The following CD164 variants were observed in gnomAD, a reference collection of about 807,000 sequenced individuals.
The protein encoded by CD164 is sialomucin core protein 24.
Under a neutral mutation model 24.6 loss-of-function variants are expected in CD164, and 11 were observed. That is an observed-to-expected ratio of 0.45 (90% CI 0.28 to 0.74). CD164 has a LOEUF of 0.74. Ranked by LOEUF, CD164 falls within the 30% of genes least tolerant of loss-of-function variation. The pLI, the probability that CD164 is intolerant of heterozygous loss-of-function variation, is 0.13. For synonymous variants in CD164, 126 were observed against 100.3 expected, an observed-to-expected ratio of 1.26 and a Z score of -1.53; for missense variants, 295 against 243.7, an observed-to-expected ratio of 1.21 and a Z score of -1.40.
chr6:109,381,877 A>C, intron 1 of CD164: 1 of 484,124 alleles, frequency 2.1e-6, no homozygotes, highest in Non-Finnish European at 3.7e-6. Context: ...CCGCGGAAGG[A>C]AGCCACGTCC....
intron 5 of CD164, among the ~76,000 whole-genome samples, chr6:109,369,549 A>G: frequency 1.4e-5 from 1 of 73,438 alleles, no homozygotes; most frequent in South Asian, 5.1e-4. Context: ...TTATCAAGTA[A>G]TAAGGAAAAA....
intron 1 of CD164, chr6:109,381,419 C>T: frequency 2.9e-6 from 2 of 682,148 alleles, no homozygotes; most frequent in Admixed American, 2.2e-5. Flanking sequence ...ATTTTAAAAA[C>T]AATTGAAAAA....
At chr6:109,381,910 C>T (rs1418679412) in intron 1 of CD164, 2 of 450,378 alleles carry the variant, frequency 4.4e-6, no homozygotes, top group East Asian at 7.7e-5. Flanking sequence ...CCAAGTGAGG[C>T]TAGGAATTAC....
rs1460264469 is a variant in CD164, at chr6:109,367,625, T to C, written c.*1226A>G. ...AGGGAGAGAAAAAGAAAAAGCACAG[T>C]CTATTCATCCAGGACAATCAGTAAA... On this transcript the variant is annotated 3_prime_UTR_variant, in exon 6 of 6. Transcript: ENST00000310786. The C allele has an allele frequency of 6.6e-6, 1 of 152,580 alleles. No homozygotes were observed. The highest frequency in any genetic ancestry group is 2.4e-5 in the African/African-American group (1 of 41,450). 9.5% of individuals were successfully genotyped at this position (152,580 alleles called of 1,614,324 possible).
In CD164 at chr6:109,368,965, G is replaced by C; in HGVS notation, c.480C>G (p.Thr160=). 2 of 1,613,902 alleles carry C rather than the reference G, an allele frequency of 1.2e-6. No individual in the cohort carries two copies. Among genetic ancestry groups the C allele is most frequent in the Non-Finnish European group, 1.7e-6 (2 of 1,179,876 alleles). Residue 160 remains threonine, a synonymous_variant, in exon 6 of 6, where the codon ACC becomes ACG. Transcript: ENST00000310786. ...CTCCAATGAAACTGGCTGCATCAAA[G>C]GTAGACTTTCGCACAGGTTGTGAGG... The part of the protein sequence containing the change: ...TPTSQPVRKS[T]FDAASFIGGI...
chr6:109,379,040 G>C (rs1771585506), intron 2 of CD164, among the ~76,000 whole-genome samples: 1 of 152,114 alleles, frequency 6.6e-6, no homozygotes, highest in Non-Finnish European at 1.5e-5. Context: ...TCTACCTCTT[G>C]TATTAACAAA....
At chr6:109,372,817 C>T (rs754890435) in intron 4 of CD164, 15 of 152,130 alleles carry the variant, frequency 9.9e-5, no homozygotes, top group Non-Finnish European at 1.9e-4. Flanking sequence ...AATTGTTTGA[C>T]AATGTTAGGA....
chr6:109,381,494 C>A, intron 1 of CD164: 2 of 702,436 alleles, frequency 2.8e-6, no homozygotes, highest in Non-Finnish European at 5.2e-6. Flanking sequence ...TCCTAGGTTT[C>A]ACTACCTACC....
chr6:109,381,096 T>G (rs575211168), intron 1 of CD164, among the ~76,000 whole-genome samples: 1 of 152,344 alleles, frequency 6.6e-6, no homozygotes, highest in East Asian at 1.9e-4. Context: ...GAAGCCAATG[T>G]TAACTACGTA....
chr6:109,377,984 AG>A lies in CD164; in HGVS notation c.260-14del. 3.7e-6 allele frequency: 6 copies of A among 1,606,434 alleles called. No individual in the cohort carries two copies. The highest frequency in any genetic ancestry group is 1.1e-5 in the South Asian group (1 of 90,912). The stretch of plus-strand genomic sequence containing the variant: ...CAATAGCTCTCATCTGTTGGGGGGC[AG>A]GGGAAAAGAGACAAACAGCATCAAC... On this transcript the variant is annotated splice_polypyrimidine_tract_variant and intron_variant, in intron 2 of 5. Transcript: ENST00000310786.
chr6:109,376,345 T>G (rs1771407667), intron 3 of CD164, among the ~76,000 whole-genome samples: 1 of 152,196 alleles, frequency 6.6e-6, no homozygotes, highest in Admixed American at 6.5e-5. Context: ...AGACATTTCC[T>G]AGTCTCCAGT....
At chr6:109,375,226 C>T (rs190101578) in intron 4 of CD164, among the ~76,000 whole-genome samples, 4 of 152,226 alleles carry the variant, frequency 2.6e-5, no homozygotes, top group African/African-American at 7.2e-5. Flanking sequence ...AAATGCAATT[C>T]CATGTAAGAT....
At chr6:109,377,613 G>A (rs544348242) in intron 3 of CD164, among the ~76,000 whole-genome samples, 3 of 150,306 alleles carry the variant, frequency 2.0e-5, no homozygotes, top group Non-Finnish European at 4.4e-5. Flanking sequence ...CAAACATAGC[G>A]GCTAAACTGT....
chr6:109,371,053 G>C (rs1301986956), intron 4 of CD164: 1 of 152,376 alleles, frequency 6.6e-6, no homozygotes, highest in Non-Finnish European at 1.5e-5. Context: ...GTTCCCCAAC[G>C]TAAGATTCTA....
chr6:109,377,866 G>C (rs369727634), intron 3 of CD164, 34 bp downstream of exon 3: 1 of 1,527,354 alleles, frequency 6.5e-7, no homozygotes, highest in Non-Finnish European at 9.1e-7. Context: ...ACCTCTCTGC[G>C]GTCAGCTTCC....
At chr6:109,369,773 G>A (rs1366359266) in intron 5 of CD164, among the ~76,000 whole-genome samples, 2 of 152,136 alleles carry the variant, frequency 1.3e-5, no homozygotes, top group Non-Finnish European at 2.9e-5. Flanking sequence ...GGTGGCATAA[G>A]CATGAAGAAA....
rs1770906781 is a variant in CD164 at position 109,368,707 on chromosome 6, G to T, written c.*144C>A. ...AATTGATTTTTTCTTCACGGATGAT[G>T]CTCCCAAACATCCTATATGCATCCA... On this transcript the variant is annotated 3_prime_UTR_variant, in exon 6 of 6. Coordinates refer to ENST00000310786, the MANE Select transcript of CD164 (RefSeq NM_006016.6). 1 of 1,390,434 alleles carries T rather than the reference G, an allele frequency of 7.2e-7. No individual in the cohort carries two copies. The highest frequency in any genetic ancestry group is 9.3e-7 in the Non-Finnish European group (1 of 1,075,782). 86.1% of individuals were successfully genotyped at this position (1,390,434 alleles called of 1,614,324 possible).
intron 4 of CD164, chr6:109,375,811 T>G: frequency 2.9e-6 from 1 of 346,926 alleles, no homozygotes; most frequent in Non-Finnish European, 5.1e-6. Flanking sequence ...AGATTTCCAC[T>G]AAATCTATAA....
rs542587971 is a variant in CD164 at position 109,371,567 on chromosome 6, T to C, written c.371-1100A>G. ...TCCAGCCAGTATATCACCTATTAAG[T>C]TTCTATTGGTAGTATGAATACTAAT... On this transcript the variant is annotated intron_variant, in intron 4 of 5. Transcript: ENST00000310786. 7.8e-5 allele frequency: 12 copies of C among 153,896 alleles called. No homozygotes were observed. The Admixed American group carries it at 7.8e-4, about 10-fold the overall frequency. The allele number at this position is 153,896 out of a possible 1,614,324, so 9.5% of individuals were successfully genotyped here. A position where few individuals can be genotyped will look rare whatever the true frequency, so the allele number is the denominator to read the frequency against.
Sources: allele counts gnomAD v4.1 joint callset (sites outside exome capture counted in the v4.1 genomes callset), GRCh38; gene constraint gnomAD v4.1.1; transcripts MANE v1.5; gene names NCBI Gene and HGNC (gene_info 2026-07-23, HGNC 2026-07-21).